The following PAFAH1B1 variants were observed in gnomAD, a reference collection of about 807,000 sequenced individuals.
The protein encoded by PAFAH1B1 is platelet activating factor acetylhydrolase 1b regulatory subunit 1.
In PAFAH1B1, 2 loss-of-function variants were observed where a neutral mutation model predicts 57.5. The ratio of observed to expected loss-of-function variants is 0.03; its 90% CI spans 0.01 to 0.11. The LOEUF (loss-of-function observed/expected upper bound fraction) is 0.11. PAFAH1B1 is among the 10% of genes least tolerant of loss of function. The probability of loss-of-function intolerance (pLI) is 1.00; values close to 1 mark genes in which losing one functional copy is unlikely to be tolerated. For synonymous variants in PAFAH1B1, 152 were observed against 169.6 expected, an observed-to-expected ratio of 0.90 and a Z score of 0.81; for missense variants, 257 against 512.0, an observed-to-expected ratio of 0.50 and a Z score of 4.81.
At chr17:2,658,057 A>T (rs972898185) in intron 2 of PAFAH1B1, among the ~76,000 whole-genome samples, 1 of 152,174 alleles carries the variant, frequency 6.6e-6, no homozygotes, top group African/African-American at 2.4e-5. Context: ...TCCTGAGTGG[A>T]TCTCACAGTT....
intron 5 of PAFAH1B1, chr17:2,667,484 G>C: frequency 2.8e-6 from 1 of 357,284 alleles, no homozygotes; most frequent in Non-Finnish European, 5.3e-6. Flanking sequence ...TGTGGCTCCT[G>C]AGAGGCATGC....
intron 1 of PAFAH1B1, among the ~76,000 whole-genome samples, chr17:2,603,663 A>C (rs1043454562): frequency 3.3e-5 from 5 of 151,796 alleles, no homozygotes; most frequent in Non-Finnish European, 7.4e-5. Flanking sequence ...ACACACACAC[A>C]TTTTTGTTTT....
At position 2,681,866 on chromosome 17, in the gene PAFAH1B1, A is replaced by AC. The variant is rs139819736; in HGVS notation, c.*68dup. On this transcript the variant is annotated 3_prime_UTR_variant, in exon 11 of 11. Coordinates refer to ENST00000397195, the MANE Select transcript of PAFAH1B1 (RefSeq NM_000430.4). ...GATGCACTCTGATGATACCATGGTT[A>AC]CCCCATTGAGCTCTGTTTAAATAAA... The AC allele has an allele frequency of 0.013, 15,259 of 1,138,922 alleles. 1,109 individuals are homozygous for AC. The African/African-American group carries it at 0.17, about 13-fold the overall frequency. 70.6% of individuals were successfully genotyped at this position (1,138,922 alleles called of 1,614,324 possible).
At chr17:2,652,570 A>T (rs2068877129) in intron 2 of PAFAH1B1, among the ~76,000 whole-genome samples, 1 of 133,780 alleles carries the variant, frequency 7.5e-6, no homozygotes, top group Admixed American at 7.1e-5. Flanking sequence ...AATCTGTTTG[A>T]ACATCATATA....
At chr17:2,649,958 A>G (rs1375404595) in intron 2 of PAFAH1B1, among the ~76,000 whole-genome samples, 1 of 152,234 alleles carries the variant, frequency 6.6e-6, no homozygotes, top group Non-Finnish European at 1.5e-5. Flanking sequence ...CACATACAGA[A>G]TAACAGTATA....
At chr17:2,672,853 T>TGA (rs2069202490) in intron 7 of PAFAH1B1, 96 bp downstream of exon 7, 1 of 768,730 alleles carries the variant, frequency 1.3e-6, no homozygotes, top group African/African-American at 1.7e-5. Flanking sequence ...GCAGATCACC[T>TGA]GGTCAGGAAT....
chr17:2,635,760 G>GT (rs1005810064), intron 1 of PAFAH1B1, among the ~76,000 whole-genome samples: 2 of 151,766 alleles, frequency 1.3e-5, no homozygotes, highest in Non-Finnish European at 2.9e-5. Context: ...TATAGTGGGG[G>GT]TTTTTTTCTG....
chr17:2,632,640 T>C (rs573535876), intron 1 of PAFAH1B1, among the ~76,000 whole-genome samples: 9 of 152,352 alleles, frequency 5.9e-5, no homozygotes, highest in Non-Finnish European at 1.5e-5. Context: ...GAAAAAAATA[T>C]GTCTGTACTG....
At chr17:2,595,266 A>G (rs2068072125) in intron 1 of PAFAH1B1, among the ~76,000 whole-genome samples, 1 of 152,146 alleles carries the variant, frequency 6.6e-6, no homozygotes, top group Non-Finnish European at 1.5e-5. Flanking sequence ...AAGGCCAAAC[A>G]AACAATTTGT....
intron 1 of PAFAH1B1, among the ~76,000 whole-genome samples, chr17:2,596,184 G>A (rs149081947): frequency 8.3e-4 from 126 of 151,984 alleles, no homozygotes; most frequent in African/African-American, 2.7e-3. Context: ...GTGTGTGTGT[G>A]TATATATTAA....
intron 9 of PAFAH1B1, chr17:2,679,695 G>A (rs1053470912): frequency 1.4e-5 from 3 of 209,858 alleles, no homozygotes; most frequent in Non-Finnish European, 2.9e-5. Flanking sequence ...GTGAATGCCT[G>A]TATATCCTTC....
At chr17:2,595,009 GAA>G (rs2068069715) in intron 1 of PAFAH1B1, among the ~76,000 whole-genome samples, 3 of 152,188 alleles carry the variant, frequency 2.0e-5, no homozygotes, top group Admixed American at 6.5e-5. Context: ...GACTTAGCAA[GAA>G]ACTCCTTGGG....
intron 9 of PAFAH1B1, among the ~76,000 whole-genome samples, chr17:2,677,627 A>G (rs1346659573): frequency 1.3e-5 from 2 of 151,154 alleles, no homozygotes; most frequent in African/African-American, 2.4e-5. Context: ...GGCCGAGGCG[A>G]GCAGATCACG....
At chr17:2,608,273 T>TG (rs759967149) in intron 1 of PAFAH1B1, among the ~76,000 whole-genome samples, 3 of 151,962 alleles carry the variant, frequency 2.0e-5, no homozygotes, top group Non-Finnish European at 2.9e-5. Flanking sequence ...TTAGTAGAGA[T>TG]GGGGGTTGCA....
upstream of PAFAH1B1, chr17:2,593,246 C>T (rs1032130520): frequency 3.9e-5 from 6 of 152,082 alleles, 1 homozygote; most frequent in Non-Finnish European, 7.4e-5. Flanking sequence ...GGCCCCGCTG[C>T]CTCTCGCGCC....
At chr17:2,636,017 AGAGGCT>A (rs2068620151) in intron 1 of PAFAH1B1, among the ~76,000 whole-genome samples, 1 of 152,008 alleles carries the variant, frequency 6.6e-6, no homozygotes, top group African/African-American at 2.4e-5. Context: ...TAGCTACTCA[AGAGGCT>A]GAGCCCAGCT....
At chr17:2,635,770 G>T (rs2068615103) in intron 1 of PAFAH1B1, among the ~76,000 whole-genome samples, 1 of 151,626 alleles carries the variant, frequency 6.6e-6, no homozygotes, top group Admixed American at 6.6e-5. Flanking sequence ...GTTTTTTTCT[G>T]ATTAAAGCAG....
chr17:2,683,500 A>G lies in PAFAH1B1; in HGVS notation c.*1698A>G, dbSNP rs1400657635. 1.3e-5 allele frequency: 2 copies of G among 152,200 alleles called. No individual in the cohort carries two copies. Among genetic ancestry groups the G allele is most frequent in the African/African-American group, 4.8e-5 (2 of 41,440 alleles). 9.4% of individuals were successfully genotyped at this position (152,200 alleles called of 1,614,324 possible). Reference sequence around the variant, plus strand: ...AAGGGTGAGAGTTAGCGTCCTGTAGATACACACAGAGACTAGGCCGTATAT... The same window carrying G: ...AAGGGTGAGAGTTAGCGTCCTGTAGGTACACACAGAGACTAGGCCGTATAT... On this transcript the variant is annotated 3_prime_UTR_variant, in exon 11 of 11. Transcript: ENST00000397195.
intron 1 of PAFAH1B1, among the ~76,000 whole-genome samples, chr17:2,628,844 C>T (rs1421878296): frequency 6.6e-6 from 1 of 152,158 alleles, no homozygotes; most frequent in East Asian, 1.9e-4. Flanking sequence ...AGAATTTATC[C>T]ATCTCTTTTA....
Sources: allele counts gnomAD v4.1 joint callset (sites outside exome capture counted in the v4.1 genomes callset), GRCh38; gene constraint gnomAD v4.1.1; transcripts MANE v1.5; gene names NCBI Gene and HGNC (gene_info 2026-07-23, HGNC 2026-07-21).